The following CDH4 variants were observed in gnomAD, a reference collection of about 807,000 sequenced individuals.
The protein encoded by CDH4 is cadherin-4.
In CDH4, 33 loss-of-function variants were observed where a neutral mutation model predicts 86.0. The observed-to-expected ratio is 0.38, with a 90% CI of 0.29 to 0.51. The LOEUF is 0.51. CDH4 is among the 20% of genes least tolerant of loss of function. The pLI is 0.86. For synonymous variants in CDH4, 555 were observed against 549.4 expected (o/e 1.01, Z -0.14); for missense variants, 1,114 against 1,307.4 (o/e 0.85, Z 2.28).
intron 8 of CDH4, among the ~76,000 whole-genome samples, chr20:61,906,862 G>A (rs2054795162): frequency 1.3e-5 from 2 of 152,154 alleles, no homozygotes; most frequent in African/African-American, 2.4e-5. Context: ...CAGCGTCTGT[G>A]TGTTCATGGC....
At chr20:61,654,267 A>T (rs933101597) in intron 2 of CDH4, among the ~76,000 whole-genome samples, 5 of 152,228 alleles carry the variant, frequency 3.3e-5, no homozygotes, top group African/African-American at 1.2e-4. Context: ...CACCAAAAAA[A>T]CATGAAAACC....
intron 2 of CDH4, among the ~76,000 whole-genome samples, chr20:61,561,765 C>G (rs950762538): frequency 6.6e-6 from 1 of 152,248 alleles, no homozygotes; most frequent in Non-Finnish European, 1.5e-5. Context: ...CTATCTCGCC[C>G]TTTACAGAAA....
intron 4 of CDH4, among the ~76,000 whole-genome samples, chr20:61,836,363 A>G (rs188435876): frequency 6.6e-5 from 10 of 152,300 alleles, no homozygotes; most frequent in East Asian, 1.9e-4. Flanking sequence ...CTAATTCACT[A>G]TTCCCCACCG....
intron 4 of CDH4, among the ~76,000 whole-genome samples, chr20:61,782,253 G>C (rs1978587848): frequency 6.6e-6 from 1 of 152,084 alleles, no homozygotes; most frequent in South Asian, 2.1e-4. Flanking sequence ...AGGTTGCAGT[G>C]AGCCGAGATC....
At chr20:61,595,804 G>T (rs1441264506) in intron 2 of CDH4, among the ~76,000 whole-genome samples, 1 of 152,362 alleles carries the variant, frequency 6.6e-6, no homozygotes, top group East Asian at 1.9e-4. Context: ...GAGCACGTGG[G>T]TGGGAAAGAT....
chr20:61,855,806 G>A (rs906547973), intron 6 of CDH4, among the ~76,000 whole-genome samples: 10 of 152,330 alleles, frequency 6.6e-5, no homozygotes, highest in South Asian at 2.1e-4. Flanking sequence ...TGTTGATGCC[G>A]GGACCCCGGA....
At chr20:61,674,991 C>G (rs557130499) in intron 2 of CDH4, among the ~76,000 whole-genome samples, 1 of 152,236 alleles carries the variant, frequency 6.6e-6, no homozygotes, top group Non-Finnish European at 1.5e-5. Flanking sequence ...GACATTGTGG[C>G]CCACCCACCC....
At chr20:61,378,302 T>C (rs1263514554) in intron 2 of CDH4, among the ~76,000 whole-genome samples, 1 of 152,174 alleles carries the variant, frequency 6.6e-6, no homozygotes, top group Non-Finnish European at 1.5e-5. Flanking sequence ...CCTTTAAAAC[T>C]TTGAAATTAT....
At chr20:61,799,292 G>A (rs535588169) in intron 4 of CDH4, among the ~76,000 whole-genome samples, 5 of 152,302 alleles carry the variant, frequency 3.3e-5, no homozygotes, top group African/African-American at 4.8e-5. Context: ...TGAGTTGGGC[G>A]AAACCCAGCT....
chr20:61,565,371 G>A lies in CDH4; in HGVS notation c.170-178192G>A, dbSNP rs867770811. 3.3e-4 allele frequency among the ~76,000 whole-genome samples: 13 copies of A among 39,688 alleles called. 4 individuals are homozygous for A. The highest frequency in any genetic ancestry group is 5.3e-4 in the Non-Finnish European group (13 of 24,542). 26.0% of individuals were successfully genotyped at this position (39,688 alleles called of 152,430 possible). On this transcript the variant is annotated intron_variant, in intron 2 of 15. Coordinates refer to ENST00000614565, the MANE Select transcript of CDH4 (RefSeq NM_001794.5). ...CTCTTGGTGATGGGGTGATGGTGGT[G>A]GTGGTCCTCTTGGTGATGGGGTGAT...
rs574889696 is a variant in CDH4, at chr20:61,873,614, C to T, written c.878-114C>T. On this transcript the variant is annotated intron_variant, in intron 6 of 15. Coordinates refer to ENST00000614565, the MANE Select transcript of CDH4 (RefSeq NM_001794.5). ...GAACACGCCGAGAGGAAGGGGGTTC[C>T]GCTACGCCAGACTCACGGAGAGCTC... 75 of 1,129,158 alleles carry T rather than the reference C, an allele frequency of 6.6e-5. 1 individual carries two copies. Among genetic ancestry groups the T allele is most frequent in the Non-Finnish European group, 8.8e-5 (69 of 788,466 alleles). The allele number at this position is 1,129,158 out of a possible 1,614,324, so 69.9% of individuals were successfully genotyped here.
intron 2 of CDH4, among the ~76,000 whole-genome samples, chr20:61,575,221 G>A (rs2086373561): frequency 6.6e-6 from 1 of 152,178 alleles, no homozygotes; most frequent in Non-Finnish European, 1.5e-5. Context: ...CTACCTCTAG[G>A]TTGACTCTTC....
At chr20:61,715,577 A>G (rs1416473945) in intron 2 of CDH4, among the ~76,000 whole-genome samples, 1 of 152,348 alleles carries the variant, frequency 6.6e-6, no homozygotes, top group East Asian at 1.9e-4. Flanking sequence ...TGATTAATCC[A>G]TTCATGTGGG....
chr20:61,783,260 C>CT (rs765291486), intron 4 of CDH4, among the ~76,000 whole-genome samples: 18 of 152,230 alleles, frequency 1.2e-4, no homozygotes, highest in Non-Finnish European at 2.6e-4. Context: ...TATCTGAACA[C>CT]ACTAATATAC....
chr20:61,807,409 G>T lies in CDH4; in HGVS notation c.576+34227G>T, dbSNP rs954790306. Among the ~76,000 whole-genome samples the T allele has an allele frequency of 6.6e-6, 1 of 152,226 alleles. No individual in the cohort carries two copies. Among genetic ancestry groups the T allele is most frequent in the Non-Finnish European group, 1.5e-5 (1 of 68,040 alleles). ...TTTACCCTCAGCTTCTCGTAACAGG[G>T]TGTCTGGGTACCTAAATGTCGGAAT... On this transcript the variant is annotated intron_variant, in intron 4 of 15. Coordinates refer to ENST00000614565, the MANE Select transcript of CDH4 (RefSeq NM_001794.5). The surrounding 1 kb of genome is among the most constrained non-coding windows in gnomAD (Gnocchi z 4.5).
chr20:61,314,318 CTA>C (rs1469319705), intron 2 of CDH4, among the ~76,000 whole-genome samples: 1 of 152,214 alleles, frequency 6.6e-6, no homozygotes, highest in Non-Finnish European at 1.5e-5. Context: ...TTCTCTGCTT[CTA>C]TGAGTTTGAC....
At chr20:61,587,666 G>T (rs2086488762) in intron 2 of CDH4, among the ~76,000 whole-genome samples, 1 of 152,130 alleles carries the variant, frequency 6.6e-6, no homozygotes, top group Non-Finnish European at 1.5e-5. Flanking sequence ...TTGTGTTTCT[G>T]TGGCCTCCAA....
intron 2 of CDH4, among the ~76,000 whole-genome samples, chr20:61,451,704 G>T (rs2085381961): frequency 6.6e-6 from 1 of 152,064 alleles, no homozygotes; most frequent in African/African-American, 2.4e-5. Context: ...GAGAGGGGAA[G>T]GAGGAGGAGG....
chr20:61,624,760 G>GC (rs1222047133), intron 2 of CDH4, among the ~76,000 whole-genome samples: 10 of 152,254 alleles, frequency 6.6e-5, no homozygotes, highest in South Asian at 4.1e-4. Context: ...ACAAAGAGCT[G>GC]CAGGGCATGT....
Sources: gnomAD v4.1 joint callset for allele counts (sites outside exome capture counted in the v4.1 genomes callset) on GRCh38, gnomAD v4.1.1 for gene constraint, Gnocchi (gnomAD v3.1) non-coding constraint, MANE v1.5 for transcripts, NCBI Gene and HGNC (gene_info 2026-07-23, HGNC 2026-07-21) for gene names.